Variants in ADGRA3 observed in about 807,000 individuals in gnomAD.
ADGRA3 encodes the protein G-protein coupled receptor 125.
A neutral mutation model predicts 119.8 loss-of-function variants in ADGRA3; 56 were observed. That is an observed-to-expected ratio of 0.47 (90% CI 0.38 to 0.58). The LOEUF (loss-of-function observed/expected upper bound fraction) is 0.58, where lower values mean the gene tolerates loss of function less well. Ranked by LOEUF, ADGRA3 falls within the 20% of genes least tolerant of loss-of-function variation. ADGRA3 has a pLI of 0.00. For synonymous variants in ADGRA3, 607 were observed against 623.8 expected (o/e 0.97, Z 0.40); for missense variants, 1,516 against 1,649.0 (o/e 0.92, Z 1.40).
intron 14 of ADGRA3, among the ~76,000 whole-genome samples, chr4:22,403,627 G>A (rs945220993): frequency 2.6e-5 from 4 of 152,034 alleles, no homozygotes; most frequent in Non-Finnish European, 5.9e-5. Context: ...TGTAGTTCCA[G>A]CTACTCGGTA....
At position 22,402,710 on chromosome 4, in the gene ADGRA3, G is replaced by A; in HGVS notation, c.2322C>T (p.Leu774=). Reference sequence around the variant, plus strand: ...ATATGTAACTGACAATGACGGCTAAGAGACATAAGAGGAGAATGATAGCGG... The same window carrying A: ...ATATGTAACTGACAATGACGGCTAAAAGACATAAGAGGAGAATGATAGCGG... The part of the protein sequence containing the change: ...YTTAIILLLC[L]LAVIVSYIYH... The change falls in exon 15 of 19, where the codon CTC becomes CTT. Residue 774 remains leucine, a synonymous_variant. Coordinates refer to ENST00000334304, the MANE Select transcript of ADGRA3 (RefSeq NM_145290.4). 6.2e-7 allele frequency: 1 copy of A among 1,613,860 alleles called. No homozygotes were observed. The highest frequency in any genetic ancestry group is 8.5e-7 in the Non-Finnish European group (1 of 1,179,816).
chr4:22,402,791 C>T lies in ADGRA3; in HGVS notation c.2241G>A (p.Thr747=), dbSNP rs762360800. The change falls in exon 15 of 19, where the codon ACG becomes ACA. Residue 747 remains threonine, a synonymous_variant. Transcript: ENST00000334304. ...LSNYAVLMDL[T]GSELYTQAAS... ...CCGCCTGGGTGTATAGTTCAGATCCCGTCAAATCCTGAGGGCAAAAAGAAA... is the reference window on the plus strand; with the variant it reads ...CCGCCTGGGTGTATAGTTCAGATCCTGTCAAATCCTGAGGGCAAAAAGAAA... 21 of 1,608,756 alleles carry T rather than the reference C, an allele frequency of 1.3e-5. No individual in the cohort carries two copies. In the East Asian group the frequency reaches 2.9e-4, roughly 22 times the overall value.
Position 22,420,807 on chromosome 4 carries a change from G to A in ADGRA3, c.1809+79C>T, listed in dbSNP as rs760003067. On this transcript the variant is annotated intron_variant, in intron 12 of 18. Coordinates refer to ENST00000334304, the MANE Select transcript of ADGRA3 (RefSeq NM_145290.4). ...TGCAAAAAAAAAATCTTTTAATAAG[G>A]TTATTTTGCGAAGCAGAACATTTGG... 4 of 1,375,786 alleles carry A rather than the reference G, an allele frequency of 2.9e-6. No homozygotes were observed. The Admixed American group carries it at 5.3e-5, about 18-fold the overall frequency. The allele number at this position is 1,375,786 out of a possible 1,614,324, so 85.2% of individuals were successfully genotyped here.
chr4:22,423,147 A>G (rs561153770), intron 11 of ADGRA3, among the ~76,000 whole-genome samples: 11 of 152,212 alleles, frequency 7.2e-5, no homozygotes, highest in Non-Finnish European at 1.3e-4. Context: ...GTGAGCCAAG[A>G]TAACACCACT....
chr4:22,514,451 T>C lies in ADGRA3; in HGVS notation c.257+1077A>G, dbSNP rs1719566794. 2.6e-5 allele frequency: 4 copies of C among 152,344 alleles called. No individual in the cohort carries two copies. The South Asian group carries it at 8.3e-4, about 32-fold the overall frequency. 9.4% of individuals were successfully genotyped at this position (152,344 alleles called of 1,614,324 possible). ...AAACAAAAGTGTTAGTAATGAAATG[T>C]ATACCTGGCCTACCTGTGTATACTC... is the stretch of plus-strand genomic sequence containing the variant. On this transcript the variant is annotated intron_variant, in intron 1 of 18. Coordinates refer to ENST00000334304, the MANE Select transcript of ADGRA3 (RefSeq NM_145290.4).
At chr4:22,434,584 TTA>T (rs1454181354) in intron 10 of ADGRA3, among the ~76,000 whole-genome samples, 2 of 152,220 alleles carry the variant, frequency 1.3e-5, no homozygotes, top group African/African-American at 4.8e-5. Context: ...TTATAAGTGA[TTA>T]TATCACAAAA....
Position 22,457,348 on chromosome 4 carries a change from C to T in ADGRA3, c.402-2411G>A, listed in dbSNP as rs114225535. Among the ~76,000 whole-genome samples, 495 of 152,228 alleles carry T rather than the reference C, an allele frequency of 3.3e-3. 3 individuals are homozygous for T. Among genetic ancestry groups the T allele is most frequent in the African/African-American group, 0.011 (473 of 41,538 alleles). ...TGTTCTTGTTAAGGGAGATGCACAA[C>T]TGAAATTAATGACTTAAGAACCCAT... On this transcript the variant is annotated intron_variant, in intron 3 of 18. Transcript: ENST00000334304.
At position 22,461,870 on chromosome 4, in the gene ADGRA3, T is replaced by C. The variant is rs1407393454; in HGVS notation, c.330-62A>G. On this transcript the variant is annotated intron_variant, in intron 2 of 18. Transcript: ENST00000334304. ...CACTGCAACAAGTATTCAGGCACAA[T>C]ACACTTACCTGCTATACAAAAAAAA... 7 of 1,003,300 alleles carry C rather than the reference T, an allele frequency of 7.0e-6. No homozygotes were observed. In the African/African-American group the frequency reaches 1.1e-4, roughly 16 times the overall value. 62.1% of individuals were successfully genotyped at this position (1,003,300 alleles called of 1,614,324 possible).
At chr4:22,413,095 AAAAC>A in intron 14 of ADGRA3, 83 bp downstream of exon 14, 47 of 1,069,110 alleles carry the variant, frequency 4.4e-5, no homozygotes, top group South Asian at 8.9e-5. Flanking sequence ...AAAAAAACAA[AAAAC>A]AAAAAAACAC....
intron 1 of ADGRA3, among the ~76,000 whole-genome samples, chr4:22,480,255 A>C (rs1718220377): frequency 6.6e-6 from 1 of 152,232 alleles, no homozygotes; most frequent in African/African-American, 2.4e-5. Context: ...ATGTACGACA[A>C]CCTTAGTCAT....
chr4:22,438,356 T>C lies in ADGRA3; in HGVS notation c.985A>G (p.Lys329Glu). The change falls in exon 8 of 19, where the codon AAA (lysine) becomes GAA (glutamate). Residue 329 changes from lysine to glutamate, a missense_variant. Transcript: ENST00000334304. ...ACAGTCCTCGTATTATTCCCACGTT[T>C]GGTCTGGACATGACAGCCCCAATTT... ...TGNWGCHVQT[K>E]RGNNTRTVDI... 1 of 1,613,718 alleles carries C rather than the reference T, an allele frequency of 6.2e-7. No homozygotes were observed. The highest frequency in any genetic ancestry group is 8.5e-7 in the Non-Finnish European group (1 of 1,179,730).
chr4:22,451,048 A>C (rs1717023861), intron 4 of ADGRA3, among the ~76,000 whole-genome samples: 1 of 150,578 alleles, frequency 6.6e-6, no homozygotes, highest in African/African-American at 2.4e-5. Flanking sequence ...TTTCCTTCAT[A>C]TGATTTTATT....
chr4:22,432,575 A>G lies in ADGRA3; in HGVS notation c.1443+2736T>C, dbSNP rs562296352. Among the ~76,000 whole-genome samples, 5 of 152,330 alleles carry G rather than the reference A, an allele frequency of 3.3e-5. No homozygotes were observed. The South Asian group carries it at 1.0e-3, about 32-fold the overall frequency. On this transcript the variant is annotated intron_variant, in intron 10 of 18. Coordinates refer to ENST00000334304, the MANE Select transcript of ADGRA3 (RefSeq NM_145290.4). ...CTCACATATTTTAAAATAAGAGACA[A>G]TAAGGGTGCCAGAAAGCATCATCAG...
chr4:22,411,693 C>T (rs1277411219), intron 14 of ADGRA3, among the ~76,000 whole-genome samples: 1 of 152,068 alleles, frequency 6.6e-6, no homozygotes, highest in East Asian at 1.9e-4. Flanking sequence ...AAGACATCTT[C>T]CATTTACAAA....
At chr4:22,510,115 G>T (rs1483546511) in intron 1 of ADGRA3, among the ~76,000 whole-genome samples, 1 of 151,794 alleles carries the variant, frequency 6.6e-6, no homozygotes, top group Non-Finnish European at 1.5e-5. Flanking sequence ...CTGCCATACA[G>T]TCATTCTCAG....
rs755960877 is a variant in ADGRA3, at chr4:22,413,231, T to C, written c.2183A>G (p.Asn728Ser). Residue 728 changes from asparagine (N) to serine (S), a missense_variant, in exon 14 of 19, where the codon AAT (asparagine) becomes AGT (serine). Asn to Ser is a conservative substitution (Grantham distance 46, BLOSUM62 1). Coordinates refer to ENST00000334304, the MANE Select transcript of ADGRA3 (RefSeq NM_145290.4). ...DGCHILYSDE[N>S]ITTIQCYSLS... ...GGAGTAGCACTGAATCGTAGTGATA[T>C]TTTCATCTGAATAGAGTATATGGCA... 6.2e-7 allele frequency: 1 copy of C among 1,614,128 alleles called. No individual in the cohort carries two copies. The highest frequency in any genetic ancestry group is 8.5e-7 in the Non-Finnish European group (1 of 1,179,986).
chr4:22,388,564 A>T lies in ADGRA3; in HGVS notation c.3107T>A (p.Leu1036Ter), dbSNP rs1267317428. Reference sequence around the variant, plus strand: ...GACCACGAAGAACGCACTGAAGCTTAAACTTGTGGCTCCAAAAACGAAGCT... The same window carrying T: ...GACCACGAAGAACGCACTGAAGCTTTAACTTGTGGCTCCAAAAACGAAGCT... ...VFSFVFGATS[L>*]SFSAFFVVHH... Residue 1036 changes from leucine (L) to a stop codon, truncating the protein, a stop_gained, in exon 19 of 19, where the codon TTA becomes TAA. Coordinates refer to ENST00000334304, the MANE Select transcript of ADGRA3 (RefSeq NM_145290.4). LOFTEE classifies it high-confidence loss of function. 6 of 1,614,154 alleles carry T rather than the reference A, an allele frequency of 3.7e-6. No homozygotes were observed. The highest frequency in any genetic ancestry group is 5.1e-6 in the Non-Finnish European group (6 of 1,180,026).
chr4:22,503,441 C>G (rs1025409324), intron 1 of ADGRA3, among the ~76,000 whole-genome samples: 2 of 152,128 alleles, frequency 1.3e-5, no homozygotes, highest in Admixed American at 1.3e-4. Flanking sequence ...CAGATCCAAG[C>G]AGGCTTAAAG....
chr4:22,425,180 T>G (rs1400525029), intron 10 of ADGRA3, among the ~76,000 whole-genome samples: 1 of 152,046 alleles, frequency 6.6e-6, no homozygotes, highest in East Asian at 1.9e-4. Flanking sequence ...TCCTTGTATG[T>G]GTTGTATGAT....
Sources: gnomAD v4.1 joint callset for allele counts (sites outside exome capture counted in the v4.1 genomes callset) on GRCh38, gnomAD v4.1.1 for gene constraint, MANE v1.5 for transcripts, NCBI Gene and HGNC (gene_info 2026-07-23, HGNC 2026-07-21) for gene names.